SUPT3H: variants seen among roughly 807,000 people sequenced by gnomAD.
SUPT3H encodes SPT3 homolog, SAGA and STAGA complex component, also known as transcription initiation protein SPT3 homolog.
In SUPT3H, 44 loss-of-function variants were observed where a neutral mutation model predicts 44.3. The observed-to-expected ratio is 0.99, with a 90% confidence interval of 0.78 to 1.28. The LOEUF is 1.28. SUPT3H is among the 50% of genes most tolerant of loss of function. The pLI is 0.00. For missense variants in SUPT3H, 380 were observed against 387.1 expected, an observed-to-expected ratio of 0.98 and a Z score of 0.15; for synonymous variants, 124 against 125.6, an observed-to-expected ratio of 0.99 and a Z score of 0.09.
At chr6:44,831,580 A>AATTTT (rs1283079255) in intron 10 of SUPT3H, among the ~76,000 whole-genome samples, 3 of 152,174 alleles carry the variant, frequency 2.0e-5, no homozygotes, top group African/African-American at 7.2e-5. Flanking sequence ...TGATATTTTA[A>AATTTT]ATTTTATAAC....
chr6:44,995,956 T>C (rs1000376572), intron 6 of SUPT3H, among the ~76,000 whole-genome samples: 15 of 152,106 alleles, frequency 9.9e-5, no homozygotes, highest in Admixed American at 9.2e-4. Flanking sequence ...AATTTCAATG[T>C]GTTTGCGAAA....
At chr6:45,296,890 C>CAGACA (rs1781361410) in intron 2 of SUPT3H, among the ~76,000 whole-genome samples, 1 of 147,464 alleles carries the variant, frequency 6.8e-6, no homozygotes, top group African/African-American at 2.5e-5. Context: ...TGCCACTGCA[C>CAGACA]TCTGCATTCC....
At chr6:45,145,625 A>C (rs937108123) in intron 2 of SUPT3H, among the ~76,000 whole-genome samples, 5 of 152,050 alleles carry the variant, frequency 3.3e-5, no homozygotes, top group Non-Finnish European at 5.9e-5. Flanking sequence ...GTTAATGACC[A>C]AAAACCCAAA....
intron 3 of SUPT3H, among the ~76,000 whole-genome samples, chr6:45,051,509 T>G (rs561885322): frequency 6.6e-6 from 1 of 150,862 alleles, no homozygotes; most frequent in Non-Finnish European, 1.5e-5. Context: ...AAATATATAT[T>G]TATCAAATGT....
At chr6:45,135,082 T>C (rs867860357) in intron 2 of SUPT3H, among the ~76,000 whole-genome samples, 1 of 152,206 alleles carries the variant, frequency 6.6e-6, no homozygotes, top group African/African-American at 2.4e-5. Flanking sequence ...TTGAGCCTGC[T>C]TGAGCCATGG....
intron 10 of SUPT3H, among the ~76,000 whole-genome samples, chr6:44,888,304 CACA>C (rs1278582867): frequency 6.6e-6 from 1 of 151,952 alleles, no homozygotes; most frequent in East Asian, 1.9e-4. Flanking sequence ...CGGGCAGAGA[CACA>C]ACAAAAAAAG....
In SUPT3H at chr6:44,829,553, A is replaced by G. The variant is rs150497838; in HGVS notation, c.*263T>C. ...GTAAATCTACTCAAATTAAAATTTC[A>G]AAACTGTGTGATCTGCATTCTTGTC... is the stretch of plus-strand genomic sequence containing the variant. On this transcript the variant is annotated 3_prime_UTR_variant, in exon 11 of 11. Transcript: ENST00000371459. 4.8e-5 allele frequency: 17 copies of G among 351,712 alleles called. No homozygotes were observed. The East Asian group carries it at 7.7e-4, about 16-fold the overall frequency. 21.8% of individuals were successfully genotyped at this position (351,712 alleles called of 1,614,324 possible). A position where few individuals can be genotyped will look rare whatever the true frequency, so the allele number is the denominator to read the frequency against.
chr6:45,230,684 ATATT>A (rs1222532929), intron 2 of SUPT3H, among the ~76,000 whole-genome samples: 1 of 101,084 alleles, frequency 9.9e-6, no homozygotes, highest in East Asian at 2.4e-4. Flanking sequence ...ATATATATAT[ATATT>A]TTTGAGATGG....
chr6:44,866,976 G>A (rs1775606305), intron 10 of SUPT3H, among the ~76,000 whole-genome samples: 1 of 152,146 alleles, frequency 6.6e-6, no homozygotes, highest in Non-Finnish European at 1.5e-5. Context: ...TTATGGAAAG[G>A]AGAGTGAAAG....
At chr6:45,106,059 G>A in intron 2 of SUPT3H, 53 bp from the exon 3 acceptor site, 6 of 1,386,748 alleles carry the variant, frequency 4.3e-6, no homozygotes, top group Admixed American at 3.5e-5. Context: ...ACTAAGAAAG[G>A]CAAAAAGTGA....
chr6:45,272,620 A>T (rs902433629), intron 2 of SUPT3H, among the ~76,000 whole-genome samples: 4 of 152,210 alleles, frequency 2.6e-5, no homozygotes, highest in Non-Finnish European at 5.9e-5. Flanking sequence ...AGTCAGAAGA[A>T]GCTGAATCAG....
intron 2 of SUPT3H, among the ~76,000 whole-genome samples, chr6:45,178,379 T>A (rs1345262631): frequency 1.3e-5 from 2 of 152,142 alleles, no homozygotes; most frequent in African/African-American, 4.8e-5. Flanking sequence ...CCTAAATATA[T>A]ATGCATCCAA....
intron 10 of SUPT3H, among the ~76,000 whole-genome samples, chr6:44,924,106 A>G (rs531922568): frequency 7.1e-4 from 108 of 152,248 alleles, no homozygotes; most frequent in African/African-American, 2.4e-3. Context: ...ATTATGCTGG[A>G]TAAGAAATCC....
intron 10 of SUPT3H, among the ~76,000 whole-genome samples, chr6:44,867,590 T>A (rs1775709434): frequency 1.3e-5 from 2 of 152,112 alleles, no homozygotes; most frequent in Admixed American, 1.3e-4. Flanking sequence ...TAATAAGCAA[T>A]TCCATCCCCA....
At chr6:44,996,929 T>A (rs184327200) in intron 6 of SUPT3H, among the ~76,000 whole-genome samples, 1 of 151,952 alleles carries the variant, frequency 6.6e-6, no homozygotes, top group East Asian at 1.9e-4. Context: ...TCTAATACCA[T>A]CTTTATTGTG....
intron 2 of SUPT3H, among the ~76,000 whole-genome samples, chr6:45,210,660 G>A (rs1763942072): frequency 6.6e-6 from 1 of 152,148 alleles, no homozygotes; most frequent in Non-Finnish European, 1.5e-5. Flanking sequence ...TCCTGAGGCT[G>A]TCTCATGGGT....
At chr6:44,881,710 T>A (rs1175162627) in intron 10 of SUPT3H, among the ~76,000 whole-genome samples, 1 of 152,094 alleles carries the variant, frequency 6.6e-6, no homozygotes, top group African/African-American at 2.4e-5. Context: ...GCAATCAAAT[T>A]AGAACTCAGG....
At chr6:45,125,006 G>A (rs928177371) in intron 2 of SUPT3H, among the ~76,000 whole-genome samples, 5 of 152,142 alleles carry the variant, frequency 3.3e-5, no homozygotes, top group Admixed American at 6.5e-5. Context: ...TAAAAGCCAC[G>A]AAACACCAAG....
intron 6 of SUPT3H, among the ~76,000 whole-genome samples, chr6:44,979,542 TG>T (rs553831090): frequency 1.5e-3 from 231 of 151,730 alleles, no homozygotes; most frequent in African/African-American, 5.1e-3. Context: ...AAAGTGTGTG[TG>T]GGGGGGGGAA....
Sources: allele counts gnomAD v4.1 joint callset (sites outside exome capture counted in the v4.1 genomes callset), GRCh38; gene constraint gnomAD v4.1.1; transcripts MANE v1.5; gene names NCBI Gene and HGNC (gene_info 2026-07-23, HGNC 2026-07-21).